PCDHGA3: variants seen among roughly 807,000 people sequenced by gnomAD.
PCDHGA3 encodes protocadherin gamma-A3.
Under a neutral mutation model 58.5 loss-of-function variants are expected in PCDHGA3, and 40 were observed. The ratio of observed to expected loss-of-function variants is 0.68; its 90% CI spans 0.53 to 0.89. PCDHGA3 has a LOEUF of 0.89. PCDHGA3 is among the 40% of genes least tolerant of loss of function. PCDHGA3 has a pLI of 0.00. For missense variants in PCDHGA3, 1,223 were observed against 1,195.9 expected, an observed-to-expected ratio of 1.02 and a Z score of -0.33; for synonymous variants, 530 against 525.7, an observed-to-expected ratio of 1.01 and a Z score of -0.11.
At chr5:141,378,585 G>A (rs758641960) in intron 1 of PCDHGA3, 1 of 152,188 alleles carries the variant, frequency 6.6e-6, no homozygotes, top group South Asian at 2.1e-4. Flanking sequence ...ATGCTCGGTA[G>A]TGTCTGCTTA....
intron 1 of PCDHGA3, chr5:141,478,529 A>G: frequency 6.2e-7 from 1 of 1,609,580 alleles, no homozygotes; most frequent in Non-Finnish European, 8.5e-7. Flanking sequence ...GGGTGCAGAG[A>G]GCGCCCCTCC....
chr5:141,451,597 C>A (rs2098719892), intron 1 of PCDHGA3, among the ~76,000 whole-genome samples: 1 of 152,076 alleles, frequency 6.6e-6, no homozygotes, highest in Admixed American at 6.6e-5. Context: ...AAGTGACATA[C>A]AAGGCTAGGC....
intron 1 of PCDHGA3, chr5:141,423,880 G>T: frequency 7.8e-7 from 1 of 1,282,292 alleles, no homozygotes; most frequent in Non-Finnish European, 9.9e-7. Flanking sequence ...TTTCAATCTT[G>T]GCATATTTTC....
In PCDHGA3 at chr5:141,477,247, T is replaced by C; in HGVS notation, c.2425-17560T>C. On this transcript the variant is annotated intron_variant, in intron 1 of 3. Transcript: ENST00000253812. This position sits in a 1 kb window ranked among gnomAD's most constrained non-coding sequence, Gnocchi z 4.9. ...CTGTCATCGCTTTGCTCAGTGTGAC[T>C]GACCTGGATGCTGGCGAGAACGGGC... The C allele has an allele frequency of 6.2e-7, 1 of 1,614,208 alleles. No individual in the cohort carries two copies. Among genetic ancestry groups the C allele is most frequent in the Non-Finnish European group, 8.5e-7 (1 of 1,180,040 alleles).
intron 1 of PCDHGA3, chr5:141,370,571 G>A (rs970814015): frequency 1.2e-6 from 2 of 1,613,816 alleles, no homozygotes; most frequent in African/African-American, 1.3e-5. Flanking sequence ...TTGGCGTGGG[G>A]GATTTACCTA....
At chr5:141,418,130 G>A in intron 1 of PCDHGA3, 3 of 1,614,106 alleles carry the variant, frequency 1.9e-6, no homozygotes, top group Non-Finnish European at 2.5e-6. Flanking sequence ...GGACCGAATA[G>A]ACCGTGAGCA....
intron 1 of PCDHGA3, among the ~76,000 whole-genome samples, chr5:141,425,919 G>C (rs11167745): frequency 0.3 from 45,848 of 152,124 alleles, 8,179 homozygotes; most frequent in African/African-American, 0.5. Context: ...CAGTCACTAC[G>C]AAAACTCATA....
chr5:141,408,777 C>T (rs1019825842), intron 1 of PCDHGA3: 22 of 1,611,714 alleles, frequency 1.4e-5, no homozygotes, highest in Non-Finnish European at 1.8e-5. Context: ...GGCAAATACC[C>T]AGAGTTATCT....
At chr5:141,407,980 C>G in intron 1 of PCDHGA3, 1 of 760,358 alleles carries the variant, frequency 1.3e-6, no homozygotes, top group Non-Finnish European at 2.0e-6. Flanking sequence ...CGCCGGGGAT[C>G]CGTCAGCCTC....
intron 1 of PCDHGA3, among the ~76,000 whole-genome samples, chr5:141,401,205 G>C (rs1479820661): frequency 6.6e-6 from 1 of 152,118 alleles, no homozygotes; most frequent in African/African-American, 2.4e-5. Context: ...AGCTGGGTGT[G>C]GTGGCGGGCG....
At chr5:141,398,496 C>G (rs1435117425) in intron 1 of PCDHGA3, 2 of 1,608,668 alleles carry the variant, frequency 1.2e-6, no homozygotes, top group Admixed American at 1.7e-5. Context: ...ATGTGGAGAT[C>G]GAGGACATTA....
chr5:141,453,609 G>A (rs1208329212), intron 1 of PCDHGA3, among the ~76,000 whole-genome samples: 3 of 151,900 alleles, frequency 2.0e-5, no homozygotes, highest in South Asian at 4.2e-4. Context: ...TTTGCAAAAC[G>A]CAAAAACAAA....
At position 141,345,647 on chromosome 5, in the gene PCDHGA3, G is replaced by A. The variant is rs754384380; in HGVS notation, c.1614G>A (p.Gly538=). Residue 538 remains glycine (G), a synonymous_variant, in exon 1 of 4, where the codon GGG becomes GGA. Transcript: ENST00000253812. ...LKLLVTASDS[G]NPPLSSNVSL... The stretch of plus-strand genomic sequence containing the variant: ...TACTGGTGACAGCCAGCGACAGCGG[G>A]AACCCTCCACTCAGCAGCAACGTGT... 2 of 1,614,204 alleles carry A rather than the reference G, an allele frequency of 1.2e-6. No individual in the cohort carries two copies. Among genetic ancestry groups the A allele is most frequent in the Non-Finnish European group, 8.5e-7 (1 of 1,180,054 alleles).
rs1030573273 is a variant in PCDHGA3, at chr5:141,373,834, G to T, written c.2424+27377G>T. On this transcript the variant is annotated intron_variant, in intron 1 of 3. Coordinates refer to ENST00000253812, the MANE Select transcript of PCDHGA3 (RefSeq NM_018916.4). Reference sequence around the variant, plus strand: ...GTTTCACAAAACGATGCAGTATTAAGTTAGGACTCTAAGCGTCGCTGTTGA... The same window carrying T: ...GTTTCACAAAACGATGCAGTATTAATTTAGGACTCTAAGCGTCGCTGTTGA... The T allele has an allele frequency of 1.2e-5, 5 of 424,566 alleles. No individual in the cohort carries two copies. In the East Asian group the frequency reaches 1.8e-4, roughly 15 times the overall value. The allele number at this position is 424,566 out of a possible 1,614,324, so 26.3% of individuals were successfully genotyped here. A position where few individuals can be genotyped will look rare whatever the true frequency, so the allele number is the denominator to read the frequency against.
intron 1 of PCDHGA3, among the ~76,000 whole-genome samples, chr5:141,450,099 C>T (rs2098669229): frequency 6.6e-6 from 1 of 151,500 alleles, no homozygotes; most frequent in African/African-American, 2.4e-5. Flanking sequence ...CTCCGCCTCC[C>T]AGGTTCAAAT....
In PCDHGA3 at chr5:141,511,421, G is replaced by A. The variant is rs1289887363; in HGVS notation, c.*248G>A. 19 of 829,148 alleles carry A rather than the reference G, an allele frequency of 2.3e-5. No individual in the cohort carries two copies. The highest frequency in any genetic ancestry group is 3.8e-4 in the Middle Eastern group (1 of 2,640). 51.4% of individuals were successfully genotyped at this position (829,148 alleles called of 1,614,324 possible). On this transcript the variant is annotated 3_prime_UTR_variant, in exon 4 of 4. Coordinates refer to ENST00000253812, the MANE Select transcript of PCDHGA3 (RefSeq NM_018916.4). The stretch of plus-strand genomic sequence containing the variant: ...CCAATCAACTGCTGTACCCATGGGG[G>A]TAGTGGGGTTACTGTAGACACCAAG...
chr5:141,418,397 T>C (rs764404369), intron 1 of PCDHGA3: 9 of 1,613,838 alleles, frequency 5.6e-6, no homozygotes, highest in South Asian at 3.3e-5. Context: ...GTATTTCTCA[T>C]TGGTGGAGAA....
At chr5:141,449,349 G>A (rs191322076) in intron 1 of PCDHGA3, among the ~76,000 whole-genome samples, 2 of 151,956 alleles carry the variant, frequency 1.3e-5, no homozygotes, top group African/African-American at 4.8e-5. Flanking sequence ...GCTCACTCCT[G>A]TAATCCCAGC....
chr5:141,450,468 A>G (rs1187171122), intron 1 of PCDHGA3, among the ~76,000 whole-genome samples: 2 of 151,696 alleles, frequency 1.3e-5, no homozygotes, highest in African/African-American at 4.9e-5. Flanking sequence ...TTTTATATAT[A>G]GAGTTTGTTT....
Sources: allele counts gnomAD v4.1 joint callset (sites outside exome capture counted in the v4.1 genomes callset), GRCh38; gene constraint gnomAD v4.1.1; non-coding constraint Gnocchi (gnomAD v3.1); transcripts MANE v1.5; gene names NCBI Gene and HGNC (gene_info 2026-07-23, HGNC 2026-07-21).